The following FOXA2 variants were observed in gnomAD, a reference collection of about 807,000 sequenced individuals.
FOXA2 encodes the protein forkhead box A2, also known as hepatocyte nuclear factor 3-beta.
FOXA2 carries 9 observed loss-of-function variants against 33.3 expected under a neutral mutation model. The observed-to-expected ratio is 0.27, with a 90% CI of 0.16 to 0.47. The LOEUF is 0.47. Ranked by LOEUF, FOXA2 falls within the 20% of genes least tolerant of loss-of-function variation. The probability of loss-of-function intolerance (pLI) is 0.99; values close to 1 mark genes in which losing one functional copy is unlikely to be tolerated. For missense variants in FOXA2, 704 were observed against 659.9 expected, an observed-to-expected ratio of 1.07 and a Z score of -0.73; for synonymous variants, 329 against 289.4, an observed-to-expected ratio of 1.14 and a Z score of -1.39.
Position 22,582,594 on chromosome 20 carries a change from C to G in FOXA2, c.648G>C (p.Ser216=). ...QQRWQNSIRH[S]LSFNDCFLKV... is the part of the protein sequence containing the mutation. ...TCAGGAAACAGTCGTTGAAGGAGAGCGAGTGGCGGATGGAGTTCTGCCAGC... is the reference window on the plus strand; with the variant it reads ...TCAGGAAACAGTCGTTGAAGGAGAGGGAGTGGCGGATGGAGTTCTGCCAGC... Residue 216 remains serine, a synonymous_variant, in exon 2 of 2, where the codon TCG becomes TCC. Transcript: ENST00000419308. 1 of 1,614,078 alleles carries G rather than the reference C, an allele frequency of 6.2e-7. No individual in the cohort carries two copies. Among genetic ancestry groups the G allele is most frequent in the Non-Finnish European group, 8.5e-7 (1 of 1,180,028 alleles).
chr20:22,583,115 T>C lies in FOXA2; in HGVS notation c.127A>G (p.Met43Val), dbSNP rs1984646807. The C allele has an allele frequency of 2.5e-6, 4 of 1,606,334 alleles. No individual in the cohort carries two copies. The highest frequency in any genetic ancestry group is 3.4e-6 in the Non-Finnish European group (4 of 1,179,834). The change falls in exon 2 of 2, where the codon ATG (methionine) becomes GTG (valine). Residue 43 changes from methionine to valine, a missense_variant. Met to Val is a conservative substitution (Grantham distance 21). Transcript: ENST00000419308. ...CTCATGTACGTGTTCATGCCGTTCA[T>C]CCCCAGGCCGGCGTTCATGTTGCTC... ...SVSNMNAGLGMNGMNTYMSMS... is the reference protein window; with the variant it reads ...SVSNMNAGLGVNGMNTYMSMS...
In FOXA2 at chr20:22,582,084, G is replaced by A; in HGVS notation, c.1158C>T (p.Asn386=). ...GGTGCTGCTGCTCCGAGGACATGAG[G>A]TTGTTGATGGAGAACGGGTGGTTGA... ...YAFNHPFSIN[N]LMSSEQQHHH... Residue 386 remains asparagine (N), a synonymous_variant, in exon 2 of 2, where the codon AAC becomes AAT. Coordinates refer to ENST00000419308, the MANE Select transcript of FOXA2 (RefSeq NM_021784.5). The A allele has an allele frequency of 1.2e-6, 2 of 1,613,616 alleles. No individual in the cohort carries two copies. Among genetic ancestry groups the A allele is most frequent in the Non-Finnish European group, 1.7e-6 (2 of 1,179,718 alleles).
chr20:22,582,272 C>A lies in FOXA2; in HGVS notation c.970G>T (p.Gly324Cys), dbSNP rs764677040. The change falls in exon 2 of 2, where the codon GGC becomes TGC. Residue 324 changes from glycine to cysteine, a missense_variant. This residue lies in a region of FOXA2 where 343 missense variants were observed against 274.8 expected (regional missense o/e 1.25). Transcript: ENST00000419308. Reference sequence around the variant, plus strand: ...GGCGTCCCCTTCAGCTCTCCCAGGCCCCCTCGCTTGTGCTCCTGGCACGGG... The same window carrying A: ...GGCGTCCCCTTCAGCTCTCCCAGGCACCCTCGCTTGTGCTCCTGGCACGGG... ...ASPCQEHKRG[G>C]LGELKGTPAA... The A allele has an allele frequency of 3.4e-6, 5 of 1,467,510 alleles. No individual in the cohort carries two copies. Among genetic ancestry groups the A allele is most frequent in the Admixed American group, 5.3e-5 (2 of 37,836 alleles). 90.9% of individuals were successfully genotyped at this position (1,467,510 alleles called of 1,614,324 possible).
chr20:22,584,473 G>T lies in FOXA2; in HGVS notation c.-195C>A. On this transcript the variant is annotated 5_prime_UTR_variant, in exon 1 of 2. Transcript: ENST00000419308. ...GTTGGAAGTGGGCGGGAGGTGGGGG[G>T]GGGCGAGGAGCGGAGGAGGCCCAGG... The T allele has an allele frequency of 5.0e-6, 3 of 603,148 alleles. No homozygotes were observed. The highest frequency in any genetic ancestry group is 3.8e-5 in the South Asian group (2 of 53,054). 37.4% of individuals were successfully genotyped at this position (603,148 alleles called of 1,614,324 possible).
rs552151528 is a variant in FOXA2 at position 22,581,407 on chromosome 20, C to T, written c.*443G>A. 1.3e-3 allele frequency: 208 copies of T among 154,580 alleles called. 1 individual carries two copies. In the Middle Eastern group the frequency reaches 0.04, roughly 30 times the overall value. The allele number at this position is 154,580 out of a possible 1,614,324, so 9.6% of individuals were successfully genotyped here. A position where few individuals can be genotyped will look rare whatever the true frequency, so the allele number is the denominator to read the frequency against. On this transcript the variant is annotated 3_prime_UTR_variant, in exon 2 of 2. Coordinates refer to ENST00000419308, the MANE Select transcript of FOXA2 (RefSeq NM_021784.5). ...TTTTTCCTGTTTTTAAACAATAGTACAACCCTCTGGTTCTGTTAAAACTAC... is the reference window on the plus strand; with the variant it reads ...TTTTTCCTGTTTTTAAACAATAGTATAACCCTCTGGTTCTGTTAAAACTAC...
In FOXA2 at chr20:22,584,343, T is replaced by A. The variant is rs560551728; in HGVS notation, c.-65A>T. 3.5e-3 allele frequency: 4,908 copies of A among 1,420,876 alleles called. 11 individuals carry two copies. The highest frequency in any genetic ancestry group is 4.4e-3 in the Non-Finnish European group (4,451 of 1,021,414). The allele number at this position is 1,420,876 out of a possible 1,614,324, so 88.0% of individuals were successfully genotyped here. On this transcript the variant is annotated 5_prime_UTR_variant, in exon 1 of 2. Coordinates refer to ENST00000419308, the MANE Select transcript of FOXA2 (RefSeq NM_021784.5). ...ATCACCCCCCACCCCCACCCTCTTT[T>A]AAAAAAAAGTCAGCCAAAGCACCGT...
At position 22,582,896 on chromosome 20, in the gene FOXA2, G is replaced by T. The variant is rs773099906; in HGVS notation, c.346C>A (p.Leu116Met). The change falls in exon 2 of 2, where the codon CTG (leucine) becomes ATG (methionine). Residue 116 changes from leucine (L) to methionine (M), a missense_variant. Leu to Met is a conservative substitution (Grantham distance 15). Transcript: ENST00000419308. ...GCCGCCTGCCCCCCGAGCGGGCTCA[G>T]GCTGGGACTCAAGTGCGGCCCCATG... ...AGMGPHLSPSLSPLGGQAAGA... is the reference protein window; with the variant it reads ...AGMGPHLSPSMSPLGGQAAGA... 3 of 1,575,308 alleles carry T rather than the reference G, an allele frequency of 1.9e-6. No homozygotes were observed. The highest frequency in any genetic ancestry group is 1.2e-5 in the South Asian group (1 of 85,450).
At chr20:22,584,995 C>A (rs998732517), upstream of FOXA2, among the ~76,000 whole-genome samples, 4 of 152,172 alleles carry the variant, frequency 2.6e-5, no homozygotes, top group African/African-American at 9.6e-5. Context: ...CCCCTTTCCT[C>A]CCGGGTCCAC....
At chr20:22,583,920 C>G (rs916968223) in intron 1 of FOXA2, among the ~76,000 whole-genome samples, 2 of 152,114 alleles carry the variant, frequency 1.3e-5, no homozygotes, top group Non-Finnish European at 2.9e-5. Context: ...AAACATAACT[C>G]TGTTAGGATA....
At position 22,581,884 on chromosome 20, in the gene FOXA2, C is replaced by A; in HGVS notation, c.1358G>T (p.Gly453Val). 1 of 1,607,204 alleles carries A rather than the reference C, an allele frequency of 6.2e-7. No homozygotes were observed. The highest frequency in any genetic ancestry group is 8.5e-7 in the Non-Finnish European group (1 of 1,174,370). ...PLAADTSYYQGVYSRPIMNSS is the reference protein window; with the variant it reads ...PLAADTSYYQVVYSRPIMNSS ...GTTCATAATGGGCCGGGAGTACACC[C>A]CCTGGTAGTAGGAGGTATCTGCGGC... The change falls in exon 2 of 2, where the codon GGG (glycine) becomes GTG (valine). Residue 453 changes from glycine (G) to valine (V), a missense_variant. Gly to Val is a moderately radical substitution (Grantham distance 109). This residue lies in a region of FOXA2 where 343 missense variants were observed against 274.8 expected (regional missense o/e 1.25). Transcript: ENST00000419308.
rs1352639859 is a variant in FOXA2 at position 22,581,930 on chromosome 20, C to T, written c.1312G>A (p.Gly438Ser). 6.2e-7 allele frequency: 1 copy of T among 1,610,640 alleles called. No homozygotes were observed. Among genetic ancestry groups the T allele is most frequent in the Non-Finnish European group, 8.5e-7 (1 of 1,177,308 alleles). ...GCGGCCAGGGGCGAGGCGTCCAGGC[C>T]CGTTTTGTTCGTGACCGGGCCCATG... ...LAMGPVTNKT[G>S]LDASPLAADT... The change falls in exon 2 of 2, where the codon GGC becomes AGC. Residue 438 changes from glycine to serine, a missense_variant. By Grantham distance (56) the Gly-to-Ser change is moderately conservative. Around this residue, in one of 5 missense-constraint regions of FOXA2, gnomAD observed 343 missense variants for 274.8 expected, o/e 1.25. Transcript: ENST00000419308.
upstream of FOXA2, among the ~76,000 whole-genome samples, chr20:22,584,862 G>T (rs796914696): frequency 6.6e-6 from 1 of 152,062 alleles, no homozygotes; most frequent in Admixed American, 6.5e-5. Flanking sequence ...AGCCGCAGCC[G>T]GCGCTCCGCA....
In FOXA2 at chr20:22,583,031, T is replaced by G; in HGVS notation, c.211A>C (p.Met71Leu). Residue 71 changes from methionine (M) to leucine (L), a missense_variant, in exon 2 of 2, where the codon ATG becomes CTG. Met to Leu is a conservative substitution (Grantham distance 15). Coordinates refer to ENST00000419308, the MANE Select transcript of FOXA2 (RefSeq NM_021784.5). ...ATGCCAGCGCCCACGTACGACGACA[T>G]GTTCATGGAGCCCGCGCTCATGTTG... ...SGNMSAGSMN[M>L]SSYVGAGMSP... 1.9e-6 allele frequency: 3 copies of G among 1,609,926 alleles called. No homozygotes were observed. Among genetic ancestry groups the G allele is most frequent in the Non-Finnish European group, 2.5e-6 (3 of 1,179,614 alleles).
upstream of FOXA2, among the ~76,000 whole-genome samples, chr20:22,584,672 T>TGGTGGTGGA (rs1555809429): frequency 1.3e-3 from 45 of 34,388 alleles, no homozygotes; most frequent in African/African-American, 5.5e-3. Flanking sequence ...GTGGTGGTGG[T>TGGTGGTGGA]GGAGGAGGAG....
Position 22,582,186 on chromosome 20 carries a change from C to T in FOXA2, c.1056G>A (p.Ala352=), listed in dbSNP as rs1207043463. 1.3e-6 allele frequency: 2 copies of T among 1,552,190 alleles called. No homozygotes were observed. Among genetic ancestry groups the T allele is most frequent in the Non-Finnish European group, 1.7e-6 (2 of 1,147,160 alleles). Residue 352 remains alanine (A), a synonymous_variant, in exon 2 of 2, where the codon GCG becomes GCA. Coordinates refer to ENST00000419308, the MANE Select transcript of FOXA2 (RefSeq NM_021784.5). ...GGTGGGGCGGGCCCAGCAGGTGGGCCGCGGCCTGCTGCTGCTGCCCGGGAG... is the reference window on the plus strand; with the variant it reads ...GGTGGGGCGGGCCCAGCAGGTGGGCTGCGGCCTGCTGCTGCTGCCCGGGAG... ...APSPGQQQQA[A]AHLLGPPHHP... is the part of the protein sequence containing the mutation.
At position 22,582,008 on chromosome 20, in the gene FOXA2, C is replaced by T; in HGVS notation, c.1234G>A (p.Glu412Lys). The T allele has an allele frequency of 6.2e-7, 1 of 1,614,142 alleles. No individual in the cohort carries two copies. Among genetic ancestry groups the T allele is most frequent in the Non-Finnish European group, 8.5e-7 (1 of 1,180,012 alleles). The change falls in exon 2 of 2, where the codon GAA (glutamate) becomes AAA (lysine). Residue 412 changes from glutamate to lysine, a missense_variant. Physicochemically the swap from Glu to Lys is moderately conservative, Grantham distance 56. Around this residue, in one of 5 missense-constraint regions of FOXA2, gnomAD observed 343 missense variants for 274.8 expected, o/e 1.25. Transcript: ENST00000419308. ...TAGCCGGGGTAGTGCATCACCTGTTCGTAGGCCTTGAGGTCCATTTTGTGG... is the reference window on the plus strand; with the variant it reads ...TAGCCGGGGTAGTGCATCACCTGTTTGTAGGCCTTGAGGTCCATTTTGTGG... Reference protein sequence around the residue: ...QPHKMDLKAYEQVMHYPGYGS... With the variant: ...QPHKMDLKAYKQVMHYPGYGS...
chr20:22,584,339 C>T lies in FOXA2; in HGVS notation c.-61G>A. On this transcript the variant is annotated 5_prime_UTR_variant, in exon 1 of 2. Coordinates refer to ENST00000419308, the MANE Select transcript of FOXA2 (RefSeq NM_021784.5). ...AGCAATCACCCCCCACCCCCACCCT[C>T]TTTTAAAAAAAAGTCAGCCAAAGCA... 1 of 1,465,892 alleles carries T rather than the reference C, an allele frequency of 6.8e-7. No individual in the cohort carries two copies. The highest frequency in any genetic ancestry group is 9.5e-7 in the Non-Finnish European group (1 of 1,058,074). The allele number at this position is 1,465,892 out of a possible 1,614,324, so 90.8% of individuals were successfully genotyped here.
chr20:22,584,140 G>A (rs1984684738), intron 1 of FOXA2, 52 bp downstream of exon 1: 2 of 1,562,906 alleles, frequency 1.3e-6, no homozygotes, highest in Admixed American at 1.7e-5. Context: ...TGAGGTTGGG[G>A]AAGGAGCGAG....
upstream of FOXA2, chr20:22,585,448 C>G (rs974946283): frequency 4.6e-5 from 7 of 152,236 alleles, no homozygotes; most frequent in African/African-American, 1.7e-4. Context: ...GCAAGCAGCC[C>G]CTCTAGCAGC....
Sources: gnomAD v4.1 joint callset for allele counts (sites outside exome capture counted in the v4.1 genomes callset) on GRCh38, gnomAD v4.1.1 for gene constraint, gnomAD v4.1.1 regional missense constraint, MANE v1.5 for transcripts, NCBI Gene and HGNC (gene_info 2026-07-23, HGNC 2026-07-21) for gene names.